Variants in ENOX1 observed in about 807,000 individuals in gnomAD.
The protein encoded by ENOX1 is candidate growth-related and time keeping constitutive hydroquinone (NADH) oxidase.
Under a neutral mutation model 82.5 loss-of-function variants are expected in ENOX1, and 42 were observed. The observed-to-expected ratio is 0.51, with a 90% confidence interval of 0.40 to 0.66. The LOEUF is 0.66. Among genes scored for constraint, ENOX1 ranks in the 30% least tolerant of loss-of-function variants. The pLI is 0.00. For synonymous variants in ENOX1, 271 were observed against 282.2 expected (o/e 0.96, Z 0.40); for missense variants, 608 against 811.6 (o/e 0.75, Z 3.05).
chr13:43,262,773 A>G (rs2044151249), intron 14 of ENOX1, among the ~76,000 whole-genome samples: 1 of 152,218 alleles, frequency 6.6e-6, no homozygotes, highest in Non-Finnish European at 1.5e-5. Flanking sequence ...CTCCACACCC[A>G]GCCTATATTA....
At chr13:43,623,077 C>T (rs756800712) in intron 2 of ENOX1, among the ~76,000 whole-genome samples, 6 of 152,130 alleles carry the variant, frequency 3.9e-5, no homozygotes, top group Non-Finnish European at 8.8e-5. Context: ...AGCTCCCACA[C>T]AAACCGAAGG....
chr13:43,577,784 G>T (rs1172182715), intron 2 of ENOX1, among the ~76,000 whole-genome samples: 1 of 152,134 alleles, frequency 6.6e-6, no homozygotes, highest in African/African-American at 2.4e-5. Flanking sequence ...ATTGCAGACA[G>T]AAAGCTCATT....
At chr13:43,362,692 T>C (rs75887346) in intron 5 of ENOX1, among the ~76,000 whole-genome samples, 1,785 of 152,286 alleles carry the variant, frequency 0.012, 39 homozygotes, top group African/African-American at 0.041. Context: ...CACGCTTTGT[T>C]TACTAAGAAG....
intron 2 of ENOX1, among the ~76,000 whole-genome samples, chr13:43,649,625 A>G (rs1021993312): frequency 3.3e-5 from 5 of 152,144 alleles, no homozygotes; most frequent in African/African-American, 7.2e-5. Context: ...TCATCATATA[A>G]TAACTCTATG....
intron 5 of ENOX1, among the ~76,000 whole-genome samples, chr13:43,394,092 G>C (rs1392288198): frequency 6.6e-6 from 1 of 152,194 alleles, no homozygotes; most frequent in African/African-American, 2.4e-5. Context: ...TGCTTGTATA[G>C]CCTGAAGAAC....
chr13:43,360,771 A>T (rs1452725009), intron 6 of ENOX1, among the ~76,000 whole-genome samples: 1 of 151,678 alleles, frequency 6.6e-6, no homozygotes, highest in Non-Finnish European at 1.5e-5. Flanking sequence ...AGGCAAAATT[A>T]AAAAAATAAA....
At chr13:43,746,122 A>G (rs1950007674) in intron 1 of ENOX1, among the ~76,000 whole-genome samples, 1 of 152,196 alleles carries the variant, frequency 6.6e-6, no homozygotes, top group Non-Finnish European at 1.5e-5. Flanking sequence ...TGAGAAAAAT[A>G]CATATGGTAT....
intron 2 of ENOX1, among the ~76,000 whole-genome samples, chr13:43,487,574 T>C (rs942783426): frequency 1.3e-5 from 2 of 152,190 alleles, no homozygotes; most frequent in Non-Finnish European, 2.9e-5. Context: ...TCCTGTTCTA[T>C]TTAACTGTAA....
At chr13:43,365,301 G>A (rs2050778958) in intron 5 of ENOX1, among the ~76,000 whole-genome samples, 1 of 152,226 alleles carries the variant, frequency 6.6e-6, no homozygotes. Flanking sequence ...GCAGGGAGGA[G>A]GGACAGAGAG....
intron 8 of ENOX1, among the ~76,000 whole-genome samples, chr13:43,354,114 TACC>T (rs1395699831): frequency 6.7e-6 from 1 of 149,722 alleles, no homozygotes; most frequent in East Asian, 2.0e-4. Context: ...CATAATCTGA[TACC>T]ACAATACATT....
intron 2 of ENOX1, among the ~76,000 whole-genome samples, chr13:43,617,739 C>A (rs1461893508): frequency 6.6e-6 from 1 of 152,164 alleles, no homozygotes; most frequent in Non-Finnish European, 1.5e-5. Context: ...GGTAGATACC[C>A]AGTAGTGGGA....
chr13:43,227,753 A>G (rs2042091352), intron 15 of ENOX1, among the ~76,000 whole-genome samples: 1 of 152,196 alleles, frequency 6.6e-6, no homozygotes, highest in African/African-American at 2.4e-5. Context: ...AGCTGATATT[A>G]AGAAGCCATT....
At chr13:43,693,211 G>A (rs1047848086) in intron 1 of ENOX1, among the ~76,000 whole-genome samples, 11 of 151,512 alleles carry the variant, frequency 7.3e-5, no homozygotes, top group Non-Finnish European at 1.0e-4. Context: ...ATAGATTTTT[G>A]AATTATCTGA....
chr13:43,469,722 A>G (rs565453829), intron 3 of ENOX1, among the ~76,000 whole-genome samples: 15 of 152,142 alleles, frequency 9.9e-5, no homozygotes, highest in African/African-American at 3.6e-4. Flanking sequence ...TATATTCCCA[A>G]TCATAATCCC....
At chr13:43,268,011 C>T (rs981133017) in intron 13 of ENOX1, among the ~76,000 whole-genome samples, 8 of 152,018 alleles carry the variant, frequency 5.3e-5, no homozygotes, top group Non-Finnish European at 1.2e-4. Context: ...GTGTGCTCTG[C>T]TCTTTAAAAA....
chr13:43,459,990 T>A (rs973525872), intron 3 of ENOX1, among the ~76,000 whole-genome samples: 3 of 152,042 alleles, frequency 2.0e-5, no homozygotes, highest in African/African-American at 7.2e-5. Context: ...CGAGACTCTG[T>A]CTCAAAAAAC....
At chr13:43,719,921 A>C (rs1470155324) in intron 1 of ENOX1, among the ~76,000 whole-genome samples, 1 of 152,192 alleles carries the variant, frequency 6.6e-6, no homozygotes, top group Non-Finnish European at 1.5e-5. Context: ...AACATTTGTA[A>C]ATCTGCTGGA....
At chr13:43,705,330 C>CTCTATA (rs141765196) in intron 1 of ENOX1, among the ~76,000 whole-genome samples, 3,028 of 129,758 alleles carry the variant, frequency 0.023, 52 homozygotes, top group African/African-American at 0.039. Context: ...CTCTCTCTCT[C>CTCTATA]TATATATATA....
At chr13:43,619,483 CT>C (rs1359360810) in intron 2 of ENOX1, among the ~76,000 whole-genome samples, 2 of 151,256 alleles carry the variant, frequency 1.3e-5, no homozygotes, top group South Asian at 2.1e-4. Flanking sequence ...TTTTCAAATG[CT>C]TTTTTTTGCA....
Sources: allele counts gnomAD v4.1 joint callset (sites outside exome capture counted in the v4.1 genomes callset), GRCh38; gene constraint gnomAD v4.1.1; transcripts MANE v1.5; gene names NCBI Gene and HGNC (gene_info 2026-07-23, HGNC 2026-07-21).